Variants in UNC5C observed in about 807,000 individuals in gnomAD.
The protein encoded by UNC5C is netrin receptor UNC5C.
In UNC5C, 47 loss-of-function variants were observed where a neutral mutation model predicts 99.8. That is an observed-to-expected ratio of 0.47 (90% CI 0.37 to 0.60). The LOEUF (loss-of-function observed/expected upper bound fraction) is 0.60. UNC5C is among the 20% of genes least tolerant of loss of function. The pLI, the probability that UNC5C is intolerant of heterozygous loss-of-function variation, is 0.00. For synonymous variants in UNC5C, 487 were observed against 452.2 expected (o/e 1.08, Z -0.98); for missense variants, 1,062 against 1,165.9 (o/e 0.91, Z 1.30).
intron 1 of UNC5C, among the ~76,000 whole-genome samples, chr4:95,358,898 A>T (rs923410282): frequency 2.0e-5 from 3 of 152,218 alleles, no homozygotes; most frequent in African/African-American, 7.2e-5. Context: ...GAAATATGAC[A>T]AATGTTTCCA....
At chr4:95,446,880 T>C (rs773858754) in intron 1 of UNC5C, among the ~76,000 whole-genome samples, 7 of 152,200 alleles carry the variant, frequency 4.6e-5, no homozygotes, top group Middle Eastern at 3.2e-3. Flanking sequence ...ATACCACTGT[T>C]TTATCTTGGC....
At chr4:95,498,203 C>A (rs764784485) in intron 1 of UNC5C, among the ~76,000 whole-genome samples, 3 of 151,936 alleles carry the variant, frequency 2.0e-5, no homozygotes, top group Non-Finnish European at 4.4e-5. Flanking sequence ...CTTAATGTTG[C>A]AGAATTAGGT....
At chr4:95,447,354 G>T (rs1390144891) in intron 1 of UNC5C, among the ~76,000 whole-genome samples, 1 of 152,108 alleles carries the variant, frequency 6.6e-6, no homozygotes, top group Non-Finnish European at 1.5e-5. Flanking sequence ...CATGTTTTAA[G>T]CTTCAAAACT....
At chr4:95,483,247 C>G (rs1721222739) in intron 1 of UNC5C, among the ~76,000 whole-genome samples, 1 of 151,680 alleles carries the variant, frequency 6.6e-6, no homozygotes, top group Non-Finnish European at 1.5e-5. Flanking sequence ...GTCTTTCCTT[C>G]TTTGACAGTT....
At chr4:95,420,151 G>A (rs993686779) in intron 1 of UNC5C, among the ~76,000 whole-genome samples, 2 of 152,120 alleles carry the variant, frequency 1.3e-5, no homozygotes, top group Non-Finnish European at 2.9e-5. Flanking sequence ...TTTGAAAAAC[G>A]ATGGATCAGG....
rs1345418452 is a variant in UNC5C at position 95,467,939 on chromosome 4, G to C, written c.124+80795C>G. On this transcript the variant is annotated intron_variant, in intron 1 of 15. Transcript: ENST00000453304. ...AAAATATCTTTACTACTCATTAATA[G>C]GTAGTGGATCATCATAAAGGTCTTC... Among the ~76,000 whole-genome samples the C allele has an allele frequency of 2.0e-5, 3 of 152,022 alleles. No individual in the cohort carries two copies. The East Asian group carries it at 5.8e-4, about 29-fold the overall frequency.
At chr4:95,388,196 T>C (rs1476381762) in intron 1 of UNC5C, among the ~76,000 whole-genome samples, 1 of 152,110 alleles carries the variant, frequency 6.6e-6, no homozygotes, top group African/African-American at 2.4e-5. Context: ...AAAAGTACAG[T>C]AATTTACCAA....
chr4:95,392,294 TATATAAC>T (rs1247762273), intron 1 of UNC5C, among the ~76,000 whole-genome samples: 1 of 149,026 alleles, frequency 6.7e-6, no homozygotes, highest in East Asian at 1.9e-4. Flanking sequence ...AGAAAATAAT[TATATAAC>T]AGATAACATT....
intron 4 of UNC5C, among the ~76,000 whole-genome samples, chr4:95,260,818 G>C (rs1233387204): frequency 6.6e-6 from 1 of 152,150 alleles, no homozygotes; most frequent in Non-Finnish European, 1.5e-5. Flanking sequence ...GAGGAATGGA[G>C]AGAAGTTGCC....
chr4:95,203,023 G>C (rs1737746702), intron 11 of UNC5C, 59 bp from the exon 12 acceptor site: 1 of 1,531,072 alleles, frequency 6.5e-7, no homozygotes. Flanking sequence ...CCGGCCACCA[G>C]GGATGGTGGT....
intron 4 of UNC5C, among the ~76,000 whole-genome samples, chr4:95,269,102 C>A (rs1327826132): frequency 6.6e-6 from 1 of 152,072 alleles, no homozygotes; most frequent in Non-Finnish European, 1.5e-5. Context: ...TCCTTTACAC[C>A]AGAGCTTTTC....
At chr4:95,386,857 A>G (rs1745225727) in intron 1 of UNC5C, among the ~76,000 whole-genome samples, 2 of 152,100 alleles carry the variant, frequency 1.3e-5, no homozygotes, top group Non-Finnish European at 2.9e-5. Context: ...TTCTCCATGA[A>G]GATCTTTTTG....
intron 3 of UNC5C, among the ~76,000 whole-genome samples, chr4:95,299,178 C>T (rs957173909): frequency 1.3e-5 from 2 of 152,018 alleles, no homozygotes; most frequent in Admixed American, 1.3e-4. Flanking sequence ...GGCCCCAACC[C>T]AATCTGACTG....
intron 1 of UNC5C, among the ~76,000 whole-genome samples, chr4:95,409,197 C>G (rs1440527259): frequency 6.6e-6 from 1 of 152,152 alleles, no homozygotes; most frequent in Non-Finnish European, 1.5e-5. Context: ...AAATAACAAG[C>G]ATTACTATTC....
At chr4:95,509,305 G>A (rs1722003759) in intron 1 of UNC5C, among the ~76,000 whole-genome samples, 1 of 151,556 alleles carries the variant, frequency 6.6e-6, no homozygotes, top group Non-Finnish European at 1.5e-5. Context: ...AGAGTATAGT[G>A]CAATACAGAC....
intron 1 of UNC5C, among the ~76,000 whole-genome samples, chr4:95,342,977 A>G (rs181351214): frequency 6.6e-6 from 1 of 151,760 alleles, no homozygotes; most frequent in East Asian, 2.0e-4. Context: ...GTCTTGTGGC[A>G]TGGGTGCCAG....
intron 2 of UNC5C, among the ~76,000 whole-genome samples, chr4:95,316,821 G>C (rs971635598): frequency 2.0e-5 from 3 of 152,110 alleles, no homozygotes; most frequent in Admixed American, 2.0e-4. Flanking sequence ...TATTCAGCAA[G>C]TTTTTTAAAA....
rs112856709 is a variant in UNC5C at position 95,216,906 on chromosome 4, G to A, written c.1646-695C>T. On this transcript the variant is annotated intron_variant, in intron 9 of 15. Coordinates refer to ENST00000453304, the MANE Select transcript of UNC5C (RefSeq NM_003728.4). ...ACCACAGATTACTGGTCCCTACCCCGAGTTTCTGATTCAGAGATATGGGGT... is the reference window on the plus strand; with the variant it reads ...ACCACAGATTACTGGTCCCTACCCCAAGTTTCTGATTCAGAGATATGGGGT... Among the ~76,000 whole-genome samples the A allele has an allele frequency of 2.9e-4, 44 of 152,300 alleles. No individual in the cohort carries two copies. The South Asian group carries it at 8.5e-3, about 29-fold the overall frequency.
At chr4:95,171,561 C>T (rs1027773509) in intron 14 of UNC5C, among the ~76,000 whole-genome samples, 11 of 152,150 alleles carry the variant, frequency 7.2e-5, no homozygotes, top group Non-Finnish European at 4.4e-5. Flanking sequence ...CTACAAAGGA[C>T]ATGAACTCAT....
Sources: allele counts gnomAD v4.1 joint callset (sites outside exome capture counted in the v4.1 genomes callset), GRCh38; gene constraint gnomAD v4.1.1; transcripts MANE v1.5; gene names NCBI Gene and HGNC (gene_info 2026-07-23, HGNC 2026-07-21).